SDK1: variants seen among roughly 807,000 people sequenced by gnomAD.
The protein encoded by SDK1 is protein sidekick-1.
SDK1 carries 157 observed loss-of-function variants against 245.5 expected under a neutral mutation model. The observed-to-expected ratio is 0.64, with a 90% CI of 0.56 to 0.73. The LOEUF (loss-of-function observed/expected upper bound fraction) is 0.73, where lower values mean the gene tolerates loss of function less well. SDK1 is among the 30% of genes least tolerant of loss of function. The probability of loss-of-function intolerance (pLI) is 0.00; values close to 1 mark genes in which losing one functional copy is unlikely to be tolerated. For missense variants in SDK1, 3,583 were observed against 3,002.3 expected (o/e 1.19, Z -4.52); for synonymous variants, 1,647 against 1,278.5 (o/e 1.29, Z -6.15).
At chr7:3,465,590 G>A (rs1780974348) in intron 1 of SDK1, among the ~76,000 whole-genome samples, 1 of 152,038 alleles carries the variant, frequency 6.6e-6, no homozygotes, top group Admixed American at 6.5e-5. Context: ...GTGATGGGTG[G>A]GATCAAGTCC....
At chr7:3,397,039 A>G (rs556567550) in intron 1 of SDK1, among the ~76,000 whole-genome samples, 1 of 151,812 alleles carries the variant, frequency 6.6e-6, no homozygotes, top group Admixed American at 6.6e-5. Context: ...CTTAGTGGTT[A>G]TCCTGGGGAT....
chr7:3,321,822 TTCCTTC>T (rs760170875), intron 1 of SDK1, among the ~76,000 whole-genome samples: 25 of 134,556 alleles, frequency 1.9e-4, no homozygotes, highest in South Asian at 1.1e-3. Flanking sequence ...CCTTCCTTCC[TTCCTTC>T]CTCCTTTTCT....
intron 5 of SDK1, among the ~76,000 whole-genome samples, chr7:3,910,073 G>T (rs573959096): frequency 6.6e-6 from 1 of 152,336 alleles, no homozygotes; most frequent in African/African-American, 2.4e-5. Flanking sequence ...TGGAATCATT[G>T]TGTTTCTTTG....
rs1013718732 is a variant in SDK1 at position 3,514,057 on chromosome 7, A to G, written c.299-105023A>G. On this transcript the variant is annotated intron_variant, in intron 1 of 44. Coordinates refer to ENST00000404826, the MANE Select transcript of SDK1 (RefSeq NM_152744.4). ...ATTGATAGGCACCTAGGTTGATTCC[A>G]TGTCTGTACTGTTGTGATGGAAAAT... Among the ~76,000 whole-genome samples, 6 of 152,078 alleles carry G rather than the reference A, an allele frequency of 3.9e-5. No homozygotes were observed. The East Asian group carries it at 1.2e-3, about 29-fold the overall frequency.
chr7:3,958,148 C>G (rs1781410250), intron 7 of SDK1: 1 of 361,596 alleles, frequency 2.8e-6, no homozygotes, highest in Non-Finnish European at 5.4e-6. Flanking sequence ...AGACAGTTCC[C>G]AGAAATTAAT....
chr7:3,597,329 G>T (rs375253021), intron 1 of SDK1, among the ~76,000 whole-genome samples: 27 of 149,776 alleles, frequency 1.8e-4, no homozygotes, highest in African/African-American at 6.4e-4. Flanking sequence ...TCTAGTTACA[G>T]TTCACTTTGT....
intron 44 of SDK1, among the ~76,000 whole-genome samples, chr7:4,248,431 A>T (rs1169204261): frequency 6.7e-6 from 1 of 150,162 alleles, no homozygotes; most frequent in African/African-American, 2.4e-5. Flanking sequence ...ACACACGTAT[A>T]CCTATACACC....
intron 5 of SDK1, among the ~76,000 whole-genome samples, chr7:3,910,273 C>T (rs1398261407): frequency 1.3e-5 from 2 of 152,208 alleles, no homozygotes; most frequent in Non-Finnish European, 2.9e-5. Flanking sequence ...GATTATTCTG[C>T]TGTGCTGCCA....
chr7:3,996,081 A>C (rs1164451334), intron 14 of SDK1, among the ~76,000 whole-genome samples: 3 of 152,118 alleles, frequency 2.0e-5, no homozygotes, highest in Non-Finnish European at 4.4e-5. Context: ...TCTGGAATTT[A>C]GGTGTGTTAT....
At chr7:4,185,204 CA>C (rs1782817153) in intron 35 of SDK1, among the ~76,000 whole-genome samples, 1 of 152,174 alleles carries the variant, frequency 6.6e-6, no homozygotes, top group Non-Finnish European at 1.5e-5. Context: ...TGCTGATAGG[CA>C]GAGTTTGACT....
At chr7:3,483,672 T>C (rs1360653812) in intron 1 of SDK1, among the ~76,000 whole-genome samples, 1 of 152,212 alleles carries the variant, frequency 6.6e-6, no homozygotes, top group Non-Finnish European at 1.5e-5. Flanking sequence ...TAATATTTTC[T>C]CTAAATTTTT....
intron 1 of SDK1, among the ~76,000 whole-genome samples, chr7:3,331,081 T>C (rs549853428): frequency 1.5e-4 from 23 of 152,198 alleles, no homozygotes; most frequent in Admixed American, 1.4e-3. Flanking sequence ...CTGGCCAACA[T>C]GGTGAAACCC....
At chr7:3,441,207 A>G (rs969640424) in intron 1 of SDK1, among the ~76,000 whole-genome samples, 6 of 152,138 alleles carry the variant, frequency 3.9e-5, no homozygotes, top group South Asian at 2.1e-4. Context: ...TATTGTTAAT[A>G]TTTTATTTTA....
At chr7:3,728,416 G>A (rs1385377132) in intron 4 of SDK1, among the ~76,000 whole-genome samples, 3 of 152,166 alleles carry the variant, frequency 2.0e-5, no homozygotes, top group African/African-American at 7.2e-5. Context: ...GAAGGAAGGC[G>A]GGATGTGCTC....
At chr7:3,492,729 A>C (rs958695832) in intron 1 of SDK1, among the ~76,000 whole-genome samples, 8 of 152,156 alleles carry the variant, frequency 5.3e-5, no homozygotes, top group Non-Finnish European at 8.8e-5. Flanking sequence ...CAACCTGTTA[A>C]GTTTGTAATT....
At position 3,301,537 on chromosome 7, in the gene SDK1, C is replaced by T. The variant is rs1283096975; in HGVS notation, c.-50C>T. The T allele has an allele frequency of 1.6e-5, 11 of 692,730 alleles. No homozygotes were observed. The highest frequency in any genetic ancestry group is 7.9e-5 in the African/African-American group (4 of 50,660). 42.9% of individuals were successfully genotyped at this position (692,730 alleles called of 1,614,324 possible). A position where few individuals can be genotyped will look rare whatever the true frequency, so the allele number is the denominator to read the frequency against. ...GCCCGCTCGGAGCCGTCCCGCCTGTCCTGCCCGCCCGTCCGTCCGGCGCGG... is the reference window on the plus strand; with the variant it reads ...GCCCGCTCGGAGCCGTCCCGCCTGTTCTGCCCGCCCGTCCGTCCGGCGCGG... On this transcript the variant is annotated 5_prime_UTR_variant, in exon 1 of 45. Coordinates refer to ENST00000404826, the MANE Select transcript of SDK1 (RefSeq NM_152744.4).
chr7:3,733,069 A>G (rs991739100), intron 4 of SDK1, among the ~76,000 whole-genome samples: 3 of 152,234 alleles, frequency 2.0e-5, no homozygotes, highest in African/African-American at 4.8e-5. Context: ...CTTATCACCA[A>G]TTAAACACAA....
chr7:4,000,536 G>T (rs1401906014), intron 14 of SDK1, among the ~76,000 whole-genome samples: 2 of 152,056 alleles, frequency 1.3e-5, no homozygotes, highest in African/African-American at 4.8e-5. Context: ...CCTGCCACAG[G>T]TGCCTTTTCA....
At chr7:4,214,579 G>A (rs192512603) in intron 38 of SDK1, among the ~76,000 whole-genome samples, 61 of 152,272 alleles carry the variant, frequency 4.0e-4, no homozygotes, top group African/African-American at 1.4e-3. Context: ...GCTGAGGGGC[G>A]GCCAGGATCT....
Sources: gnomAD v4.1 joint callset for allele counts (sites outside exome capture counted in the v4.1 genomes callset) on GRCh38, gnomAD v4.1.1 for gene constraint, MANE v1.5 for transcripts, NCBI Gene and HGNC (gene_info 2026-07-23, HGNC 2026-07-21) for gene names.